The following ZNF268 variants were observed in gnomAD, a reference collection of about 807,000 sequenced individuals.
The protein encoded by ZNF268 is zinc finger protein 268, also known as zinc finger protein 3.
Under a neutral mutation model 29.3 loss-of-function variants are expected in ZNF268, and 20 were observed. That is an observed-to-expected ratio of 0.68 (90% confidence interval 0.48 to 0.99). The LOEUF (loss-of-function observed/expected upper bound fraction) is 0.99. Among genes scored for constraint, ZNF268 ranks in the 50% least tolerant of loss-of-function variants. The pLI, the probability that ZNF268 is intolerant of heterozygous loss-of-function variation, is 0.00. For synonymous variants in ZNF268, 429 were observed against 376.9 expected, an observed-to-expected ratio of 1.14 and a Z score of -1.60; for missense variants, 1,240 against 1,121.6, an observed-to-expected ratio of 1.11 and a Z score of -1.51.
chr12:133,204,422 AAC>A lies in ZNF268; in HGVS notation c.2740_2741del (p.His914TyrfsTer7). The A allele has an allele frequency of 1.3e-6, 2 of 1,567,742 alleles. No individual in the cohort carries two copies. Among genetic ancestry groups the A allele is most frequent in the Middle Eastern group, 1.7e-4 (1 of 6,016 alleles). ...QKSILSAHQR[T>X]HTGEKPCKCT... Reference sequence around the variant, plus strand: ...AATCAATTCTCAGTGCACATCAGAGAACACATACAGGAGAGAAGCCTTGTAAG... The same window carrying A: ...AATCAATTCTCAGTGCACATCAGAGAACATACAGGAGAGAAGCCTTGTAAG... On this transcript the variant is annotated frameshift_variant, in exon 6 of 6. Coordinates refer to ENST00000536435, the MANE Select transcript of ZNF268 (RefSeq NM_003415.3). LOFTEE classifies it high-confidence loss of function.
intron 5 of ZNF268, among the ~76,000 whole-genome samples, chr12:133,197,682 C>T (rs1225174720): frequency 1.3e-5 from 2 of 152,224 alleles, no homozygotes; most frequent in Admixed American, 6.5e-5. Context: ...TGTTTCTCCA[C>T]GTCCTCTCCA....
In ZNF268 at chr12:133,204,835, T is replaced by G; in HGVS notation, c.*305T>G. Reference sequence around the variant, plus strand: ...CCATGTTAAACGTTGTAAAGTCATTTTACTAAAATAAGATTCACAAAGAGG... The same window carrying G: ...CCATGTTAAACGTTGTAAAGTCATTGTACTAAAATAAGATTCACAAAGAGG... On this transcript the variant is annotated 3_prime_UTR_variant, in exon 6 of 6. Transcript: ENST00000536435. 3.8e-6 allele frequency: 1 copy of G among 260,388 alleles called. No individual in the cohort carries two copies. The highest frequency in any genetic ancestry group is 1.2e-3 in the Middle Eastern group (1 of 842). The allele number at this position is 260,388 out of a possible 1,614,324, so 16.1% of individuals were successfully genotyped here. A position where few individuals can be genotyped will look rare whatever the true frequency, so the allele number is the denominator to read the frequency against.
intron 5 of ZNF268, among the ~76,000 whole-genome samples, chr12:133,200,239 A>G (rs568127795): frequency 3.9e-5 from 6 of 151,980 alleles, no homozygotes; most frequent in Admixed American, 6.6e-5. Context: ...CTTTGTTCTC[A>G]TTGGTTTCAA....
At position 133,203,830 on chromosome 12, in the gene ZNF268, T is replaced by TGA. The variant is rs771599697; in HGVS notation, c.2147_2148dup (p.Thr717GlufsTer80). The TGA allele has an allele frequency of 2.6e-6, 4 of 1,560,802 alleles. No individual in the cohort carries two copies. Among genetic ancestry groups the TGA allele is most frequent in the Non-Finnish European group, 2.6e-6 (3 of 1,159,748 alleles). On this transcript the variant is annotated frameshift_variant, in exon 6 of 6. Coordinates refer to ENST00000536435, the MANE Select transcript of ZNF268 (RefSeq NM_003415.3). LOFTEE classifies it low-confidence loss of function (END_TRUNC). ...AGCAAGTCATACCTTATTATACATA[T>TGA]GAGAACTCATACAGGAGAGAAACCA...
chr12:133,203,690 T>G lies in ZNF268; in HGVS notation c.2004T>G (p.Tyr668Ter). The G allele has an allele frequency of 6.5e-7, 1 of 1,547,848 alleles. No homozygotes were observed. Among genetic ancestry groups the G allele is most frequent in the Non-Finnish European group, 8.7e-7 (1 of 1,152,218 alleles). ...GAGTGCACACTGGAGTAAAACCCTA[T>G]GGATGCAGTCAATGTGCAAAAACCT... is the stretch of plus-strand genomic sequence containing the variant. ...HKGVHTGVKPYGCSQCAKTFS... is the reference protein window; with the variant it reads ...HKGVHTGVKP Residue 668 changes from tyrosine (Y) to a stop codon, truncating the protein, a stop_gained, in exon 6 of 6, where the codon TAT becomes TAG. Transcript: ENST00000536435. LOFTEE classifies it low-confidence loss of function (END_TRUNC).
Position 133,192,022 on chromosome 12 carries a change from T to G in ZNF268, c.457+19T>G. ...TGTCCAAGTGAGTGATGGAGACAAA[T>G]CTTTTCTTCTTTATTTAGAATTAGC... On this transcript the variant is annotated intron_variant, in intron 5 of 5. Transcript: ENST00000536435. The G allele has an allele frequency of 6.3e-7, 1 of 1,575,322 alleles. No homozygotes were observed. Among genetic ancestry groups the G allele is most frequent in the Non-Finnish European group, 8.7e-7 (1 of 1,152,120 alleles).
intron 2 of ZNF268, among the ~76,000 whole-genome samples, chr12:133,182,567 A>C (rs1014272904): frequency 1.3e-5 from 2 of 152,158 alleles, no homozygotes; most frequent in Admixed American, 1.3e-4. Flanking sequence ...GGAGACATGC[A>C]GGAATGGGTC....
In ZNF268 at chr12:133,214,580, T is replaced by C. The variant is rs941976242; in HGVS notation, c.*10050T>C. The C allele has an allele frequency of 3.3e-5, 5 of 152,210 alleles. No individual in the cohort carries two copies. The highest frequency in any genetic ancestry group is 1.9e-4 in the East Asian group (1 of 5,196). The allele number at this position is 152,210 out of a possible 1,614,324, so 9.4% of individuals were successfully genotyped here. A position where few individuals can be genotyped will look rare whatever the true frequency, so the allele number is the denominator to read the frequency against. ...GTCACATACTGTATGATACCACTTA[T>C]ATGAAATACCCAGAATGGGTAAATC... On this transcript the variant is annotated 3_prime_UTR_variant, in exon 6 of 6. Coordinates refer to ENST00000536435, the MANE Select transcript of ZNF268 (RefSeq NM_003415.3).
At chr12:133,197,566 T>C (rs1174432703) in intron 5 of ZNF268, among the ~76,000 whole-genome samples, 2 of 151,990 alleles carry the variant, frequency 1.3e-5, no homozygotes, top group Non-Finnish European at 1.5e-5. Context: ...AATGGGATGG[T>C]TGGGTCAAAT....
Position 133,204,258 on chromosome 12 carries a change from C to G in ZNF268, c.2572C>G (p.His858Asp). 1.3e-6 allele frequency: 2 copies of G among 1,547,772 alleles called. No individual in the cohort carries two copies. Among genetic ancestry groups the G allele is most frequent in the Admixed American group, 3.9e-5 (2 of 51,416 alleles). ...KLRLLVHQRM[H>D]TREKPYECSE... is the part of the protein sequence containing the mutation. ...ACGCCTTCTTGTACACCAGAGAATG[C>G]ACACAAGAGAGAAACCATATGAATG... Residue 858 changes from histidine (H) to aspartate (D), a missense_variant, in exon 6 of 6, where the codon CAC (histidine) becomes GAC (aspartate). Transcript: ENST00000536435.
chr12:133,199,523 T>C lies in ZNF268; in HGVS notation c.458-2621T>C, dbSNP rs546736139. On this transcript the variant is annotated intron_variant, in intron 5 of 5. Coordinates refer to ENST00000536435, the MANE Select transcript of ZNF268 (RefSeq NM_003415.3). ...TTTTTTGGTTGTGTCTCTGCCCGGCTTTGGTATCAGGATGATGCTGGCCTC... is the reference window on the plus strand; with the variant it reads ...TTTTTTGGTTGTGTCTCTGCCCGGCCTTGGTATCAGGATGATGCTGGCCTC... 1.9e-3 allele frequency among the ~76,000 whole-genome samples: 292 copies of C among 152,006 alleles called. 1 individual carries two copies. Among genetic ancestry groups the C allele is most frequent in the Non-Finnish European group, 3.7e-3 (251 of 67,960 alleles).
At chr12:133,196,693 A>G (rs1216526757) in intron 5 of ZNF268, among the ~76,000 whole-genome samples, 1 of 152,212 alleles carries the variant, frequency 6.6e-6, no homozygotes, top group Non-Finnish European at 1.5e-5. Context: ...GCCTATTTTC[A>G]TTTTGTTGGG....
intron 5 of ZNF268, among the ~76,000 whole-genome samples, chr12:133,198,234 G>C: frequency 6.7e-6 from 1 of 148,800 alleles, no homozygotes; most frequent in East Asian, 1.9e-4. Flanking sequence ...AAGGGATCCA[G>C]TTTCAGCTTT....
intron 2 of ZNF268, among the ~76,000 whole-genome samples, chr12:133,184,070 G>T (rs779924367): frequency 6.6e-5 from 10 of 151,924 alleles, no homozygotes; most frequent in Non-Finnish European, 1.3e-4. Context: ...GAAGATCAAG[G>T]TGCTGGTGAA....
rs1956952351 is a variant in ZNF268 at position 133,209,772 on chromosome 12, C to T, written c.*5242C>T. Reference sequence around the variant, plus strand: ...AGGTTGCAGTGAGCTGAGATTGTGCCATTGCACTCCAGCCCGGGCAGCAGA... The same window carrying T: ...AGGTTGCAGTGAGCTGAGATTGTGCTATTGCACTCCAGCCCGGGCAGCAGA... On this transcript the variant is annotated 3_prime_UTR_variant, in exon 6 of 6. Coordinates refer to ENST00000536435, the MANE Select transcript of ZNF268 (RefSeq NM_003415.3). The T allele has an allele frequency of 6.6e-6, 1 of 152,198 alleles. No individual in the cohort carries two copies. Among genetic ancestry groups the T allele is most frequent in the Non-Finnish European group, 1.5e-5 (1 of 68,066 alleles). The allele number at this position is 152,198 out of a possible 1,614,324, so 9.4% of individuals were successfully genotyped here.
chr12:133,185,306 G>C (rs1566363915), intron 2 of ZNF268, among the ~76,000 whole-genome samples: 1 of 152,198 alleles, frequency 6.6e-6, no homozygotes, highest in Non-Finnish European at 1.5e-5. Context: ...CCAGCCTTGG[G>C]AAGAGCAGGT....
intron 5 of ZNF268, 79 bp downstream of exon 5, chr12:133,192,082 A>G (rs1036860293): frequency 4.1e-6 from 5 of 1,217,082 alleles, no homozygotes; most frequent in Non-Finnish European, 5.8e-6. Context: ...TCTTGTTTGT[A>G]CTTTGCCTCG....
intron 5 of ZNF268, among the ~76,000 whole-genome samples, chr12:133,195,866 C>T (rs756206843): frequency 4.0e-5 from 6 of 151,678 alleles, no homozygotes; most frequent in African/African-American, 9.7e-5. Context: ...TACAGGTACG[C>T]GCTACCACAC....
At position 133,211,724 on chromosome 12, in the gene ZNF268, T is replaced by G. The variant is rs1449448347; in HGVS notation, c.*7194T>G. Reference sequence around the variant, plus strand: ...TATTAAAGTGACTATAATCTAAAAATAAGTAAATTTGCAATTGCAACAGGA... The same window carrying G: ...TATTAAAGTGACTATAATCTAAAAAGAAGTAAATTTGCAATTGCAACAGGA... On this transcript the variant is annotated 3_prime_UTR_variant, in exon 6 of 6. Transcript: ENST00000536435. 2 of 151,940 alleles carry G rather than the reference T, an allele frequency of 1.3e-5. No individual in the cohort carries two copies. Among genetic ancestry groups the G allele is most frequent in the African/African-American group, 2.4e-5 (1 of 41,334 alleles). The allele number at this position is 151,940 out of a possible 1,614,324, so 9.4% of individuals were successfully genotyped here.
Sources: gnomAD v4.1 joint callset for allele counts (sites outside exome capture counted in the v4.1 genomes callset) on GRCh38, gnomAD v4.1.1 for gene constraint, MANE v1.5 for transcripts, NCBI Gene and HGNC (gene_info 2026-07-23, HGNC 2026-07-21) for gene names.